Variants in SCFD2 observed in about 807,000 individuals in gnomAD.
SCFD2 encodes the protein sec1 family domain containing 2.
Under a neutral mutation model 58.9 loss-of-function variants are expected in SCFD2, and 54 were observed. That is an observed-to-expected ratio of 0.92 (90% CI 0.74 to 1.15). The LOEUF is 1.15. SCFD2 is among the 50% of genes most tolerant of loss of function. SCFD2 has a pLI of 0.00. For missense variants in SCFD2, 805 were observed against 836.6 expected, an observed-to-expected ratio of 0.96 and a Z score of 0.47; for synonymous variants, 321 against 335.9, an observed-to-expected ratio of 0.96 and a Z score of 0.49.
At chr4:52,896,372 C>G (rs917498293) in intron 7 of SCFD2, among the ~76,000 whole-genome samples, 1 of 152,178 alleles carries the variant, frequency 6.6e-6, no homozygotes, top group Non-Finnish European at 1.5e-5. Context: ...TTTCAGCTTT[C>G]TACATATGGC....
In SCFD2 at chr4:53,365,884, T is replaced by C. The variant is rs184815324; in HGVS notation, c.58A>G (p.Lys20Glu). 9.5e-5 allele frequency: 152 copies of C among 1,605,148 alleles called. 1 individual carries two copies. The East Asian group carries it at 2.2e-3, about 24-fold the overall frequency. ...AGGTAAACCACAGCCCGTTTCACTT[T>C]GGCCAGCACCTGCTCCCATCCTTGC... ...TQQGWEQVLAKVKRAVVYLDA... is the reference protein window; with the variant it reads ...TQQGWEQVLAEVKRAVVYLDA... Residue 20 changes from lysine (K) to glutamate (E), a missense_variant, in exon 1 of 9, where the codon AAA (lysine) becomes GAA (glutamate). By Grantham distance (56) the Lys-to-Glu change is moderately conservative (BLOSUM62 1). This residue lies in a region of SCFD2 where 155 missense variants were observed against 149.7 expected (regional missense o/e 1.04). Transcript: ENST00000401642. This position sits in a 1 kb window ranked among gnomAD's most constrained non-coding sequence, Gnocchi z 4.3.
intron 1 of SCFD2, among the ~76,000 whole-genome samples, chr4:53,363,409 A>T (rs1734603291): frequency 6.6e-6 from 1 of 151,762 alleles, no homozygotes; most frequent in Admixed American, 6.6e-5. Context: ...TCAGCCTCCC[A>T]AAGTGATGGG....
At chr4:52,892,981 C>A (rs1718912946) in intron 7 of SCFD2, among the ~76,000 whole-genome samples, 1 of 152,160 alleles carries the variant, frequency 6.6e-6, no homozygotes, top group Admixed American at 6.5e-5. Context: ...TAATGTTATG[C>A]AAATACTGAA....
chr4:53,305,266 G>C (rs1383941014), intron 3 of SCFD2, among the ~76,000 whole-genome samples: 2 of 152,098 alleles, frequency 1.3e-5, no homozygotes, highest in Non-Finnish European at 2.9e-5. Flanking sequence ...TTCTAAGAGT[G>C]TTATGGTTTC....
intron 4 of SCFD2, among the ~76,000 whole-genome samples, chr4:53,260,264 T>A (rs547360290): frequency 6.6e-6 from 1 of 152,182 alleles, no homozygotes; most frequent in Non-Finnish European, 1.5e-5. Flanking sequence ...CCCAGTACTA[T>A]GTTGAACAGA....
chr4:53,340,527 T>G (rs1480803134), intron 2 of SCFD2, among the ~76,000 whole-genome samples: 2 of 152,194 alleles, frequency 1.3e-5, no homozygotes, highest in Admixed American at 6.5e-5. Context: ...AGACTCCACC[T>G]CTGGGGACAG....
intron 5 of SCFD2, among the ~76,000 whole-genome samples, chr4:53,027,555 C>T (rs1199851875): frequency 2.6e-5 from 4 of 152,172 alleles, no homozygotes; most frequent in African/African-American, 9.7e-5. Flanking sequence ...AGGCTGGTAG[C>T]GGTGGCTCAT....
intron 5 of SCFD2, among the ~76,000 whole-genome samples, chr4:53,104,414 A>G (rs1724925906): frequency 6.6e-6 from 1 of 152,240 alleles, no homozygotes; most frequent in African/African-American, 2.4e-5. Context: ...ATGGTCACCA[A>G]AAATAAAGAA....
At chr4:52,971,140 A>G (rs944013799) in intron 5 of SCFD2, among the ~76,000 whole-genome samples, 1 of 152,202 alleles carries the variant, frequency 6.6e-6, no homozygotes, top group Non-Finnish European at 1.5e-5. Flanking sequence ...CCAGCTCCTC[A>G]CCAGCAATGG....
chr4:53,280,022 G>A (rs1731457893), intron 3 of SCFD2, among the ~76,000 whole-genome samples: 1 of 152,134 alleles, frequency 6.6e-6, no homozygotes, highest in South Asian at 2.1e-4. Flanking sequence ...CACATCAGAA[G>A]CTATTCTTCC....
intron 4 of SCFD2, among the ~76,000 whole-genome samples, chr4:53,244,393 C>A (rs1577887737): frequency 6.6e-6 from 1 of 152,132 alleles, no homozygotes; most frequent in South Asian, 2.1e-4. Flanking sequence ...ACCAACCAGT[C>A]TCTCAGACCA....
intron 5 of SCFD2, among the ~76,000 whole-genome samples, chr4:53,054,881 C>T (rs1387829116): frequency 6.6e-6 from 1 of 152,032 alleles, no homozygotes; most frequent in Non-Finnish European, 1.5e-5. Flanking sequence ...TTCAAACTCC[C>T]GGGTTCAAGC....
At chr4:53,247,198 A>G (rs1730113842) in intron 4 of SCFD2, among the ~76,000 whole-genome samples, 1 of 152,232 alleles carries the variant, frequency 6.6e-6, no homozygotes, top group Non-Finnish European at 1.5e-5. Flanking sequence ...AATAAAAACC[A>G]TAGTGACATA....
At chr4:53,178,263 T>G (rs1461361312) in intron 4 of SCFD2, among the ~76,000 whole-genome samples, 1 of 152,156 alleles carries the variant, frequency 6.6e-6, no homozygotes, top group Non-Finnish European at 1.5e-5. Flanking sequence ...AGGGGCAGAC[T>G]GACACCTCAC....
chr4:53,169,859 C>T (rs1727125443), intron 4 of SCFD2, among the ~76,000 whole-genome samples: 1 of 151,990 alleles, frequency 6.6e-6, no homozygotes, highest in Non-Finnish European at 1.5e-5. Context: ...TGTTCAGGTC[C>T]CATTCCCATT....
chr4:53,269,333 TA>T (rs1731090087), intron 4 of SCFD2, among the ~76,000 whole-genome samples: 1 of 151,686 alleles, frequency 6.6e-6, no homozygotes. Flanking sequence ...CAAAAAAATT[TA>T]AAAAAGAACT....
chr4:53,097,178 G>A (rs1380213253), intron 5 of SCFD2, among the ~76,000 whole-genome samples: 1 of 152,156 alleles, frequency 6.6e-6, no homozygotes, highest in African/African-American at 2.4e-5. Flanking sequence ...TTTTGGCTTA[G>A]GATTGTCTTG....
chr4:52,992,726 A>G (rs1157448943), intron 5 of SCFD2, among the ~76,000 whole-genome samples: 4 of 150,988 alleles, frequency 2.6e-5, no homozygotes, highest in African/African-American at 9.7e-5. Context: ...GCCCCGTCTG[A>G]GAAGTGAAGA....
chr4:53,012,789 CCTCCCT>C (rs1313141891), intron 5 of SCFD2, among the ~76,000 whole-genome samples: 4 of 147,756 alleles, frequency 2.7e-5, no homozygotes, highest in Admixed American at 6.8e-5. Context: ...CTTTCTTTTA[CCTCCCT>C]CTCCCTCTCC....
Sources: allele counts gnomAD v4.1 joint callset (sites outside exome capture counted in the v4.1 genomes callset), GRCh38; gene constraint gnomAD v4.1.1; regional missense constraint gnomAD v4.1.1; non-coding constraint Gnocchi (gnomAD v3.1); transcripts MANE v1.5; gene names NCBI Gene and HGNC (gene_info 2026-07-23, HGNC 2026-07-21).